DNAH1: variants seen among roughly 807,000 people sequenced by gnomAD.
DNAH1 encodes dynein axonemal heavy chain 1.
Under a neutral mutation model 484.3 loss-of-function variants are expected in DNAH1, and 327 were observed. That is an observed-to-expected ratio of 0.68 (90% CI 0.62 to 0.74). The LOEUF (loss-of-function observed/expected upper bound fraction) is 0.74. Ranked by LOEUF, DNAH1 falls within the 30% of genes least tolerant of loss-of-function variation. The pLI, the probability that DNAH1 is intolerant of heterozygous loss-of-function variation, is 0.00. For missense variants in DNAH1, 5,052 were observed against 5,546.8 expected (o/e 0.91, Z 2.83); for synonymous variants, 2,192 against 2,191.9 (o/e 1.00, Z 0.00).
intron 12 of DNAH1, 47 bp from the exon 13 acceptor site, chr3:52,348,841 C>G: frequency 6.3e-7 from 1 of 1,590,276 alleles, no homozygotes. Context: ...GCTCATTCAC[C>G]CCCTGGCTCA....
At chr3:52,344,684 T>C (rs1415015474) in intron 9 of DNAH1, 37 bp downstream of exon 9, 1 of 1,593,116 alleles carries the variant, frequency 6.3e-7, no homozygotes, top group South Asian at 1.1e-5. Context: ...TCCATGGCCA[T>C]CCACCTGGCC....
At chr3:52,371,591 T>A (rs1366290635) in intron 41 of DNAH1, among the ~76,000 whole-genome samples, 2 of 152,210 alleles carry the variant, frequency 1.3e-5, no homozygotes, top group Admixed American at 1.3e-4. Context: ...AGCCTGAAAC[T>A]AAACAGAAAA....
rs141567808 is a variant in DNAH1, at chr3:52,397,693, C to T, written c.11788-14C>T. On this transcript the variant is annotated splice_polypyrimidine_tract_variant and intron_variant, in intron 73 of 77. Transcript: ENST00000420323. Reference sequence around the variant, plus strand: ...GCAAGCCAGGGGCTTCCATGTTGGCCTCCTCTCTCCTAGGGCTACCTCTCC... The same window carrying T: ...GCAAGCCAGGGGCTTCCATGTTGGCTTCCTCTCTCCTAGGGCTACCTCTCC... 8,866 of 1,578,764 alleles carry T rather than the reference C, an allele frequency of 5.6e-3. 70 individuals are homozygous for T. Among genetic ancestry groups the T allele is most frequent in the South Asian group, 0.023 (1,959 of 85,298 alleles).
chr3:52,399,309 G>A, intron 76 of DNAH1, 108 bp downstream of exon 76: 1 of 1,233,440 alleles, frequency 8.1e-7, no homozygotes, highest in South Asian at 1.4e-5. Context: ...CTAAGCCAGG[G>A]CATGGAAAGA....
Position 52,386,859 on chromosome 3 carries a change from C to A in DNAH1, c.9003+6C>A, listed in dbSNP as rs780710128. ...GCCTCTTCAAGTTTGACAAGGTAAG[C>A]ATGCCAGGCACCCTGGCCAGCCAGC... On this transcript the variant is annotated splice_donor_region_variant and intron_variant, in intron 56 of 77. Transcript: ENST00000420323. The A allele has an allele frequency of 5.8e-6, 9 of 1,550,498 alleles. No homozygotes were observed. Among genetic ancestry groups the A allele is most frequent in the Non-Finnish European group, 7.8e-6 (9 of 1,147,798 alleles).
At position 52,372,217 on chromosome 3, in the gene DNAH1, G is replaced by C. The variant is rs368082079; in HGVS notation, c.6667-10G>C. The C allele has an allele frequency of 6.2e-7, 1 of 1,613,432 alleles. No homozygotes were observed. The highest frequency in any genetic ancestry group is 8.5e-7 in the Non-Finnish European group (1 of 1,179,714). ...CACCGCATGCTCCTGTGCCATCCCC[G>C]CTCTGCCAGGTGCTGTGCATTGGGC... On this transcript the variant is annotated splice_polypyrimidine_tract_variant and intron_variant, in intron 42 of 77. Coordinates refer to ENST00000420323, the MANE Select transcript of DNAH1 (RefSeq NM_015512.5).
At chr3:52,385,018 G>T in intron 53 of DNAH1, 41 bp downstream of exon 53, 2 of 1,581,128 alleles carry the variant, frequency 1.3e-6, no homozygotes, top group Non-Finnish European at 1.7e-6. Context: ...TCAGCTGCCT[G>T]CAGGCTGCCT....
At chr3:52,354,634 GAAAA>G (rs551410758) in intron 20 of DNAH1, among the ~76,000 whole-genome samples, 1 of 114,436 alleles carries the variant, frequency 8.7e-6, no homozygotes, top group Admixed American at 9.5e-5. Flanking sequence ...CTCCACCTCA[GAAAA>G]AAAAAAAAAA....
In DNAH1 at chr3:52,399,583, C is replaced by A; in HGVS notation, c.12480C>A (p.Pro4160=). 1 of 1,613,690 alleles carries A rather than the reference C, an allele frequency of 6.2e-7. No individual in the cohort carries two copies. The highest frequency in any genetic ancestry group is 1.1e-5 in the South Asian group (1 of 91,072). The change falls in exon 77 of 78, where the codon CCC becomes CCA. Residue 4160 remains proline (P), a synonymous_variant. Coordinates refer to ENST00000420323, the MANE Select transcript of DNAH1 (RefSeq NM_015512.5). ...FEAPSELTQR[P]QVGCYIHGLF... is the part of the protein sequence containing the mutation. ...CACCATCAGAGTTAACACAAAGACC[C>A]CAAGTAGGGTGCTATATCCATGGAT...
intron 53 of DNAH1, 104 bp from the exon 54 acceptor site, chr3:52,385,233 C>A: frequency 8.1e-7 from 1 of 1,236,070 alleles, no homozygotes; most frequent in Non-Finnish European, 1.1e-6. Context: ...GCCACCGAAG[C>A]TGCCGGCCAC....
At chr3:52,376,280 C>T (rs957990893) in intron 46 of DNAH1, among the ~76,000 whole-genome samples, 4 of 152,202 alleles carry the variant, frequency 2.6e-5, no homozygotes, top group African/African-American at 4.8e-5. Flanking sequence ...CCAACAAACT[C>T]CCACCCTGTG....
Position 52,395,623 on chromosome 3 carries a change from C to G in DNAH1, c.11204C>G (p.Ala3735Gly). The G allele has an allele frequency of 6.2e-7, 1 of 1,613,928 alleles. No homozygotes were observed. Among genetic ancestry groups the G allele is most frequent in the Non-Finnish European group, 8.5e-7 (1 of 1,179,904 alleles). Residue 3735 changes from alanine to glycine, a missense_variant, in exon 70 of 78, where the codon GCA (alanine) becomes GGA (glycine). Ala to Gly is a moderately conservative substitution (Grantham distance 60). Transcript: ENST00000420323. This position sits in a 1 kb window ranked among gnomAD's most constrained non-coding sequence, Gnocchi z 4.4. ...GTCTTCTTCCAGAACTGCCACCTGG[C>G]ACCAAGCTGGATGCCAGCCCTAGAA... The part of the protein sequence containing the change: ...KWVFFQNCHL[A>G]PSWMPALERL...
intron 60 of DNAH1, among the ~76,000 whole-genome samples, chr3:52,389,836 G>T (rs115360754): frequency 2.5e-3 from 380 of 152,356 alleles, no homozygotes; most frequent in Non-Finnish European, 4.1e-3. Context: ...GATGGACCAG[G>T]CGTGGTGGCT....
At chr3:52,313,854 C>T (rs745387260), upstream of DNAH1, among the ~76,000 whole-genome samples, 5 of 152,180 alleles carry the variant, frequency 3.3e-5, no homozygotes, top group Non-Finnish European at 7.4e-5. Context: ...CCCACCGTGA[C>T]ACTGGGTAAG....
At position 52,364,682 on chromosome 3, in the gene DNAH1, G is replaced by A. The variant is rs376275863; in HGVS notation, c.5289G>A (p.Ser1763=). 2.5e-5 allele frequency: 40 copies of A among 1,613,948 alleles called. No individual in the cohort carries two copies. Among genetic ancestry groups the A allele is most frequent in the African/African-American group, 1.7e-4 (13 of 75,034 alleles). The part of the protein sequence containing the change: ...FGMRAVKTVI[S]AAGNLKRENP... ...TGAGAGCCGTGAAAACTGTGATCTC[G>A]GCTGCTGGGAACCTCAAGCGAGAAA... Residue 1763 remains serine (S), a synonymous_variant, in exon 33 of 78, where the codon TCG becomes TCA. Transcript: ENST00000420323. The surrounding 1 kb of genome is among the most constrained non-coding windows in gnomAD (Gnocchi z 4.2).
intron 75 of DNAH1, 21 bp downstream of exon 75, chr3:52,398,183 C>T: frequency 6.3e-7 from 1 of 1,593,718 alleles, no homozygotes; most frequent in Non-Finnish European, 8.6e-7. Flanking sequence ...CGCCATACCC[C>T]TGCCCCGAGT....
At chr3:52,313,925 G>A (rs1231491058), upstream of DNAH1, among the ~76,000 whole-genome samples, 1 of 152,146 alleles carries the variant, frequency 6.6e-6, no homozygotes, top group Non-Finnish European at 1.5e-5. Context: ...GGACTTGCCC[G>A]GTGAGTCATC....
At chr3:52,394,282 A>C (rs1044970990) in intron 66 of DNAH1, among the ~76,000 whole-genome samples, 183 bp from the exon 67 acceptor site, 4 of 152,378 alleles carry the variant, frequency 2.6e-5, no homozygotes, top group Admixed American at 6.5e-5. Flanking sequence ...TCTTGCCCTA[A>C]GGGCACACAG....
Position 52,357,594 on chromosome 3 carries a change from G to T in DNAH1, c.3859-20G>T. ...GACCATGCTCACTGCCCATTTCTGT[G>T]CATGGCCCGGGCCCTGCAGGTGATC... On this transcript the variant is annotated intron_variant, in intron 22 of 77. Transcript: ENST00000420323. 1.3e-6 allele frequency: 2 copies of T among 1,593,320 alleles called. No individual in the cohort carries two copies. The highest frequency in any genetic ancestry group is 1.7e-4 in the Middle Eastern group (1 of 6,038).
Sources: gnomAD v4.1 joint callset for allele counts (sites outside exome capture counted in the v4.1 genomes callset) on GRCh38, gnomAD v4.1.1 for gene constraint, Gnocchi (gnomAD v3.1) non-coding constraint, MANE v1.5 for transcripts, NCBI Gene and HGNC (gene_info 2026-07-23, HGNC 2026-07-21) for gene names.